The following WWOX variants were observed in gnomAD, a reference collection of about 807,000 sequenced individuals.
WWOX encodes the protein WW domain-containing oxidoreductase.
WWOX carries 69 observed loss-of-function variants against 46.2 expected under a neutral mutation model. The observed-to-expected ratio is 1.49, with a 90% confidence interval of 1.23 to 1.82. The LOEUF (loss-of-function observed/expected upper bound fraction) is 1.82, where lower values mean the gene tolerates loss of function less well. Ranked by LOEUF, WWOX falls within the 40% of genes most tolerant of loss-of-function variation. WWOX has a pLI of 0.00. For synonymous variants in WWOX, 359 were observed against 202.6 expected, an observed-to-expected ratio of 1.77 and a Z score of -6.56; for missense variants, 919 against 542.6, an observed-to-expected ratio of 1.69 and a Z score of -6.89.
intron 8 of WWOX, among the ~76,000 whole-genome samples, chr16:78,462,871 G>A (rs921137662): frequency 6.6e-6 from 1 of 152,168 alleles, no homozygotes; most frequent in Non-Finnish European, 1.5e-5. Context: ...GCTTTCCTGG[G>A]TCTTGCCCTG....
chr16:79,071,464 C>T (rs569711194), intron 8 of WWOX, among the ~76,000 whole-genome samples: 1 of 152,282 alleles, frequency 6.6e-6, no homozygotes, highest in East Asian at 1.9e-4. Flanking sequence ...CACCAATTAC[C>T]CAAACCAAGT....
chr16:78,874,709 G>A (rs62036237), intron 8 of WWOX, among the ~76,000 whole-genome samples: 1 of 51,724 alleles, frequency 1.9e-5, no homozygotes, highest in South Asian at 5.7e-4. Context: ...TTTTTTTTTG[G>A]CTGACTGTCA....
At chr16:78,956,958 C>T (rs183996177) in intron 8 of WWOX, among the ~76,000 whole-genome samples, 119 of 152,292 alleles carry the variant, frequency 7.8e-4, no homozygotes, top group Admixed American at 4.6e-3. Flanking sequence ...CAGTCCCTCC[C>T]AGTACGTGGG....
At chr16:78,905,167 G>C (rs551215922) in intron 8 of WWOX, among the ~76,000 whole-genome samples, 1 of 152,278 alleles carries the variant, frequency 6.6e-6, no homozygotes, top group East Asian at 1.9e-4. Context: ...TTATACCCCT[G>C]GACACCAAGC....
At chr16:78,369,227 G>C (rs988750734) in intron 5 of WWOX, among the ~76,000 whole-genome samples, 2 of 152,106 alleles carry the variant, frequency 1.3e-5, no homozygotes, top group East Asian at 1.9e-4. Flanking sequence ...AGTGATGTCA[G>C]ATTTCTCCTC....
chr16:78,853,357 C>T lies in WWOX; in HGVS notation c.1057-358251C>T, dbSNP rs80129534. Among the ~76,000 whole-genome samples, 18 of 152,152 alleles carry T rather than the reference C, an allele frequency of 1.2e-4. No homozygotes were observed. In the East Asian group the frequency reaches 2.3e-3, roughly 20 times the overall value. On this transcript the variant is annotated intron_variant, in intron 8 of 8. Transcript: ENST00000566780. ...TGCCTCAGCCTGCTGGGATTACAGG[C>T]GCATGCCACGAAGCCCGACTGATTT...
At chr16:78,430,127 G>A (rs8046675) in intron 7 of WWOX, among the ~76,000 whole-genome samples, 29,735 of 152,108 alleles carry the variant, frequency 0.2, 4,182 homozygotes, top group African/African-American at 0.38. Flanking sequence ...ATGAAGGAAG[G>A]GCAAAGGGAT....
intron 8 of WWOX, among the ~76,000 whole-genome samples, chr16:78,744,835 C>T (rs1181623294): frequency 6.6e-6 from 1 of 151,170 alleles, no homozygotes; most frequent in East Asian, 1.9e-4. Context: ...TGAAGACCCA[C>T]ATGGTGACTT....
chr16:78,764,586 C>G (rs2049883304), intron 8 of WWOX, among the ~76,000 whole-genome samples: 1 of 139,318 alleles, frequency 7.2e-6, no homozygotes, highest in Non-Finnish European at 1.5e-5. Context: ...CTCACATGTG[C>G]CGTGCCCCGG....
intron 8 of WWOX, among the ~76,000 whole-genome samples, chr16:79,073,115 C>G (rs1381648116): frequency 6.6e-6 from 1 of 150,778 alleles, no homozygotes; most frequent in Non-Finnish European, 1.5e-5. Context: ...CATAAAAGAG[C>G]TTTCTATCGC....
At chr16:78,586,061 GACAA>G (rs753982114) in intron 8 of WWOX, among the ~76,000 whole-genome samples, 1 of 151,946 alleles carries the variant, frequency 6.6e-6, no homozygotes, top group African/African-American at 2.4e-5. Flanking sequence ...CAAACAAACA[GACAA>G]ACAAAATTAG....
intron 8 of WWOX, among the ~76,000 whole-genome samples, chr16:78,766,017 C>T (rs1490963828): frequency 6.6e-6 from 1 of 152,130 alleles, no homozygotes; most frequent in African/African-American, 2.4e-5. Context: ...CCCAAGTCTG[C>T]ACAGAAAAGG....
rs137930429 is a variant in WWOX at position 78,883,816 on chromosome 16, G to C, written c.1057-327792G>C. On this transcript the variant is annotated intron_variant, in intron 8 of 8. Coordinates refer to ENST00000566780, the MANE Select transcript of WWOX (RefSeq NM_016373.4). ...GGGAAAGACAATAAACAGCGTGGAG[G>C]AACTCTGTGTACTCTGTTTGTAAGT... is the stretch of plus-strand genomic sequence containing the variant. Among the ~76,000 whole-genome samples, 5 of 152,202 alleles carry C rather than the reference G, an allele frequency of 3.3e-5. No individual in the cohort carries two copies. The East Asian group carries it at 7.7e-4, about 24-fold the overall frequency.
intron 5 of WWOX, among the ~76,000 whole-genome samples, chr16:78,378,649 C>G (rs1192729676): frequency 6.6e-6 from 1 of 152,172 alleles, no homozygotes; most frequent in Non-Finnish European, 1.5e-5. Context: ...AATGTGACAG[C>G]TCCTATTTAA....
chr16:78,880,414 T>A (rs16948720), intron 8 of WWOX, among the ~76,000 whole-genome samples: 17,619 of 152,258 alleles, frequency 0.12, 1,212 homozygotes, highest in South Asian at 0.15. Flanking sequence ...ATTACAAAAA[T>A]GAGTTACAAA....
At chr16:79,012,783 T>A (rs1323007695) in intron 8 of WWOX, among the ~76,000 whole-genome samples, 1 of 152,214 alleles carries the variant, frequency 6.6e-6, no homozygotes, top group Admixed American at 6.5e-5. Flanking sequence ...CAGCAGGTAT[T>A]CGGTGCAGCC....
chr16:78,428,610 A>T lies in WWOX; in HGVS notation c.791+3555A>T, dbSNP rs544682363. Among the ~76,000 whole-genome samples the T allele has an allele frequency of 3.3e-5, 5 of 152,350 alleles. No individual in the cohort carries two copies. In the East Asian group the frequency reaches 9.6e-4, roughly 29 times the overall value. On this transcript the variant is annotated intron_variant, in intron 7 of 8. Transcript: ENST00000566780. ...TGTTTCTAGATTAGGGATCAAGAAG[A>T]AATGACTTTCTCCTCTTAGACATTT...
rs1422856888 is a variant in WWOX at position 78,350,811 on chromosome 16, T to C, written c.517-36049T>C. 1.7e-5 allele frequency among the ~76,000 whole-genome samples: 2 copies of C among 120,392 alleles called. 1 individual carries two copies. The highest frequency in any genetic ancestry group is 4.0e-5 in the Non-Finnish European group (2 of 50,468). 79.0% of individuals were successfully genotyped at this position (120,392 alleles called of 152,430 possible). On this transcript the variant is annotated intron_variant, in intron 5 of 8. Coordinates refer to ENST00000566780, the MANE Select transcript of WWOX (RefSeq NM_016373.4). ...TAGGTTTACCTTTTTTGGGGTATGC[T>C]CCTAAGAGTGCAATTTCTGGATCAC...
At chr16:79,072,962 C>T (rs1397503042) in intron 8 of WWOX, among the ~76,000 whole-genome samples, 1 of 152,052 alleles carries the variant, frequency 6.6e-6, no homozygotes, top group South Asian at 2.1e-4. Flanking sequence ...GGGTCATTGA[C>T]AAACGTCATC....
Sources: allele counts gnomAD v4.1 joint callset (sites outside exome capture counted in the v4.1 genomes callset), GRCh38; gene constraint gnomAD v4.1.1; transcripts MANE v1.5; gene names NCBI Gene and HGNC (gene_info 2026-07-23, HGNC 2026-07-21).